Variants in RNF111 observed in about 807,000 individuals in gnomAD.
The protein encoded by RNF111 is E3 ubiquitin-protein ligase Arkadia.
In RNF111, 17 loss-of-function variants were observed where a neutral mutation model predicts 95.1. The observed-to-expected ratio is 0.18, with a 90% CI of 0.12 to 0.27. The LOEUF is 0.27. RNF111 is among the 10% of genes least tolerant of loss of function. The probability of loss-of-function intolerance (pLI) is 1.00; values close to 1 mark genes in which losing one functional copy is unlikely to be tolerated. For missense variants in RNF111, 1,189 were observed against 1,210.4 expected (o/e 0.98, Z 0.26); for synonymous variants, 440 against 414.8 (o/e 1.06, Z -0.74).
Position 59,076,108 on chromosome 15 carries a change from C to T in RNF111, c.1841C>T (p.Pro614Leu). The T allele has an allele frequency of 6.2e-7, 1 of 1,614,180 alleles. No individual in the cohort carries two copies. The highest frequency in any genetic ancestry group is 8.5e-7 in the Non-Finnish European group (1 of 1,180,044). ...HQAAAAAPSQ[P>L]LSSIDGYGSS... ...GCCGCTGCTGCTGCCCCAAGTCAACCTTTATCATCAATAGATGGCTATGGA... is the reference window on the plus strand; with the variant it reads ...GCCGCTGCTGCTGCCCCAAGTCAACTTTTATCATCAATAGATGGCTATGGA... The change falls in exon 7 of 14, where the codon CCT becomes CTT. Residue 614 changes from proline to leucine, a missense_variant. Physicochemically the swap from Pro to Leu is moderately conservative, Grantham distance 98. This residue lies in a region of RNF111 where 1,024 missense variants were observed against 925.9 expected (regional missense o/e 1.11). Coordinates refer to ENST00000348370, the MANE Select transcript of RNF111 (RefSeq NM_017610.8).
intron 7 of RNF111, among the ~76,000 whole-genome samples, chr15:59,079,042 A>G (rs1162048113): frequency 2.0e-5 from 3 of 152,188 alleles, no homozygotes. Context: ...ACTTTTTTTA[A>G]CTGTTGGGAA....
At chr15:59,015,604 C>G (rs550854789) in intron 1 of RNF111, among the ~76,000 whole-genome samples, 1 of 151,318 alleles carries the variant, frequency 6.6e-6, no homozygotes, top group South Asian at 2.1e-4. Context: ...ATAATTTGAC[C>G]CTAGCTTATT....
chr15:59,013,858 G>A (rs1349364720), intron 1 of RNF111, among the ~76,000 whole-genome samples: 2 of 151,320 alleles, frequency 1.3e-5, no homozygotes, highest in South Asian at 2.1e-4. Context: ...GTGCTTTCTT[G>A]GCTCACTGCA....
intron 6 of RNF111, among the ~76,000 whole-genome samples, chr15:59,073,248 G>T (rs574755336): frequency 5.9e-5 from 9 of 152,104 alleles, no homozygotes; most frequent in Non-Finnish European, 1.2e-4. Context: ...GCTGAGGCAG[G>T]CAGATCACTT....
chr15:59,048,677 TGAA>T (rs1464418851), intron 2 of RNF111, among the ~76,000 whole-genome samples: 3 of 152,196 alleles, frequency 2.0e-5, no homozygotes, highest in Admixed American at 1.3e-4. Context: ...GTGATAGTAA[TGAA>T]GAAGCCATTC....
intron 1 of RNF111, among the ~76,000 whole-genome samples, chr15:59,023,115 G>A (rs7168102): frequency 1.3e-5 from 2 of 151,962 alleles, no homozygotes; most frequent in Admixed American, 6.5e-5. Flanking sequence ...GGGCATGGTG[G>A]TGCGTGTCTG....
At chr15:58,990,192 T>C (rs1422145659) in intron 1 of RNF111, among the ~76,000 whole-genome samples, 3 of 152,220 alleles carry the variant, frequency 2.0e-5, no homozygotes, top group African/African-American at 7.2e-5. Context: ...TCTGTTTAAA[T>C]GAGAATTGTA....
In RNF111 at chr15:59,012,437, G is replaced by A. The variant is rs374990684; in HGVS notation, c.-19-18367G>A. Among the ~76,000 whole-genome samples, 8 of 152,154 alleles carry A rather than the reference G, an allele frequency of 5.3e-5. No individual in the cohort carries two copies. In the South Asian group the frequency reaches 8.3e-4, roughly 16 times the overall value. On this transcript the variant is annotated intron_variant, in intron 1 of 13. Coordinates refer to ENST00000348370, the MANE Select transcript of RNF111 (RefSeq NM_017610.8). ...TCATTTAATAGTAGGTTTTCTTTAC[G>A]CTTTATGTCACAAAAAGATAAAAGA...
intron 2 of RNF111, among the ~76,000 whole-genome samples, chr15:59,034,371 C>T (rs544881406): frequency 7.4e-4 from 113 of 152,266 alleles, no homozygotes; most frequent in Non-Finnish European, 1.5e-3. Flanking sequence ...TACCAGAATG[C>T]CCTCCAAGAA....
chr15:59,078,552 TA>T (rs56959347), intron 7 of RNF111, among the ~76,000 whole-genome samples: 3,533 of 94,460 alleles, frequency 0.037, 101 homozygotes, highest in African/African-American at 0.092. Context: ...AACCTGTCTC[TA>T]AAAAAAAAAA....
At chr15:59,074,270 A>G (rs2043068325) in intron 6 of RNF111, among the ~76,000 whole-genome samples, 1 of 152,230 alleles carries the variant, frequency 6.6e-6, no homozygotes, top group Non-Finnish European at 1.5e-5. Context: ...AACAAGAATC[A>G]TCCAGTCCTT....
At chr15:58,996,302 G>GT (rs2141396186) in intron 1 of RNF111, among the ~76,000 whole-genome samples, 1 of 152,258 alleles carries the variant, frequency 6.6e-6, no homozygotes, top group African/African-American at 2.4e-5. Context: ...GCTGGGTGCG[G>GT]TAGCTCATAC....
chr15:59,003,750 G>T (rs1024019731), intron 1 of RNF111, among the ~76,000 whole-genome samples: 1 of 152,072 alleles, frequency 6.6e-6, no homozygotes, highest in African/African-American at 2.4e-5. Context: ...TTGGTTTTTT[G>T]GTCTCATTTG....
At chr15:59,015,243 G>GT (rs2040012542) in intron 1 of RNF111, among the ~76,000 whole-genome samples, 1 of 152,048 alleles carries the variant, frequency 6.6e-6, no homozygotes. Flanking sequence ...AGTCACTTAT[G>GT]TTTTCCTTAT....
intron 6 of RNF111, among the ~76,000 whole-genome samples, chr15:59,070,029 C>CTTTTTTTTTT (rs1189748185): frequency 8.8e-5 from 2 of 22,682 alleles, no homozygotes; most frequent in African/African-American, 4.7e-4. Context: ...CCACCTCCTG[C>CTTTTTTTTTT]TTTTTTTTTT....
intron 2 of RNF111, among the ~76,000 whole-genome samples, chr15:59,044,776 C>A (rs538713233): frequency 1.6e-4 from 24 of 152,208 alleles, no homozygotes; most frequent in African/African-American, 5.1e-4. Flanking sequence ...TCTTTTAAGT[C>A]GTGCTATTTA....
At chr15:59,048,734 G>T (rs973735904) in intron 2 of RNF111, among the ~76,000 whole-genome samples, 3 of 152,114 alleles carry the variant, frequency 2.0e-5, no homozygotes, top group Non-Finnish European at 4.4e-5. Flanking sequence ...GAAATGGAGG[G>T]TTACTTTTTT....
intron 1 of RNF111, among the ~76,000 whole-genome samples, chr15:58,998,086 G>A (rs1258198639): frequency 6.6e-5 from 10 of 151,612 alleles, no homozygotes. Context: ...TGTATTTTTA[G>A]TAGAGACGTG....
chr15:58,997,876 G>T (rs1365716252), intron 1 of RNF111, among the ~76,000 whole-genome samples: 2 of 151,524 alleles, frequency 1.3e-5, no homozygotes, highest in Non-Finnish European at 2.9e-5. Context: ...GCACATGTGT[G>T]TATGTGTTTT....
Sources: allele counts gnomAD v4.1 joint callset (sites outside exome capture counted in the v4.1 genomes callset), GRCh38; gene constraint gnomAD v4.1.1; regional missense constraint gnomAD v4.1.1; transcripts MANE v1.5; gene names NCBI Gene and HGNC (gene_info 2026-07-23, HGNC 2026-07-21).